Variants in RAP1GAP2 observed in about 807,000 individuals in gnomAD.
The protein encoded by RAP1GAP2 is rap1 GTPase-activating protein 2.
RAP1GAP2 carries 27 observed loss-of-function variants against 95.0 expected under a neutral mutation model. The ratio of observed to expected loss-of-function variants is 0.28; its 90% CI spans 0.21 to 0.39. The LOEUF (loss-of-function observed/expected upper bound fraction) is 0.39. RAP1GAP2 is among the 10% of genes least tolerant of loss of function. The pLI, the probability that RAP1GAP2 is intolerant of heterozygous loss-of-function variation, is 1.00. For synonymous variants in RAP1GAP2, 373 were observed against 380.9 expected, an observed-to-expected ratio of 0.98 and a Z score of 0.24; for missense variants, 771 against 970.0, an observed-to-expected ratio of 0.79 and a Z score of 2.72.
At chr17:2,821,313 A>T (rs1597372946) in intron 2 of RAP1GAP2, among the ~76,000 whole-genome samples, 1 of 152,252 alleles carries the variant, frequency 6.6e-6, no homozygotes, top group East Asian at 1.9e-4. Context: ...AATAGAGATT[A>T]AAAAATAAAA....
chr17:2,796,291 C>T (rs573614399), upstream of RAP1GAP2: 23 of 548,140 alleles, frequency 4.2e-5, no homozygotes, highest in Non-Finnish European at 1.6e-5. This position sits in a 1 kb window ranked among gnomAD's most constrained non-coding sequence, Gnocchi z 4.7. Flanking sequence ...TGTGGGGAAG[C>T]TGCCCTCCAC....
intron 24 of RAP1GAP2, among the ~76,000 whole-genome samples, chr17:3,032,904 C>T (rs1241564345): frequency 1.3e-5 from 2 of 152,176 alleles, no homozygotes; most frequent in African/African-American, 4.8e-5. Flanking sequence ...AGGCCTCTTC[C>T]CCTGCCTGCT....
chr17:2,794,104 A>G (rs1485120088), upstream of RAP1GAP2, among the ~76,000 whole-genome samples: 2 of 151,670 alleles, frequency 1.3e-5, no homozygotes, highest in African/African-American at 4.8e-5. Flanking sequence ...AAAAAAAAAA[A>G]AAAGACATGA....
chr17:2,797,779 G>A lies in RAP1GAP2; in HGVS notation c.44+1208G>A, dbSNP rs543550870. On this transcript the variant is annotated intron_variant, in intron 1 of 24. Transcript: ENST00000254695. The surrounding 1 kb of genome is among the most constrained non-coding windows in gnomAD (Gnocchi z 5.6). Reference sequence around the variant, plus strand: ...GCCTGGATCTGGGAGCTGCCACCCCGAGGGTAGGTGCCAGTGTCCGGGAGG... The same window carrying A: ...GCCTGGATCTGGGAGCTGCCACCCCAAGGGTAGGTGCCAGTGTCCGGGAGG... 1.9e-5 allele frequency: 19 copies of A among 985,368 alleles called. No individual in the cohort carries two copies. The East Asian group carries it at 6.8e-4, about 35-fold the overall frequency. The allele number at this position is 985,368 out of a possible 1,614,324, so 61.0% of individuals were successfully genotyped here. A position where few individuals can be genotyped will look rare whatever the true frequency, so the allele number is the denominator to read the frequency against.
rs552732524 is a variant in RAP1GAP2 at position 2,948,634 on chromosome 17, A to G, written c.166-9125A>G. 6.2e-4 allele frequency among the ~76,000 whole-genome samples: 76 copies of G among 121,982 alleles called. 2 individuals are homozygous for G. Among genetic ancestry groups the G allele is most frequent in the African/African-American group, 1.9e-3 (61 of 31,942 alleles). 80.0% of individuals were successfully genotyped at this position (121,982 alleles called of 152,430 possible). A position where few individuals can be genotyped will look rare whatever the true frequency, so the allele number is the denominator to read the frequency against. ...CCTGTCTGCAGGAGAAGCCGTGTCC[A>G]TGTGTAGAGCTGCTGTGGACCAGGG... On this transcript the variant is annotated intron_variant, in intron 3 of 24. Coordinates refer to ENST00000254695, the MANE Select transcript of RAP1GAP2 (RefSeq NM_015085.5).
rs372151562 is a variant in RAP1GAP2 at position 2,983,617 on chromosome 17, A to G, written c.730-1366A>G. On this transcript the variant is annotated intron_variant, in intron 10 of 24. Coordinates refer to ENST00000254695, the MANE Select transcript of RAP1GAP2 (RefSeq NM_015085.5). Reference sequence around the variant, plus strand: ...GTCGAAAGTACTCTGCTAAGTACAGATAATTTAAAATAGCTTTAACAGTTA... The same window carrying G: ...GTCGAAAGTACTCTGCTAAGTACAGGTAATTTAAAATAGCTTTAACAGTTA... Among the ~76,000 whole-genome samples the G allele has an allele frequency of 1.8e-4, 27 of 152,374 alleles. No homozygotes were observed. In the East Asian group the frequency reaches 2.1e-3, roughly 12 times the overall value.
chr17:2,927,354 C>G (rs111949561), intron 3 of RAP1GAP2, among the ~76,000 whole-genome samples: 136 of 152,148 alleles, frequency 8.9e-4, no homozygotes, highest in African/African-American at 2.9e-3. Context: ...GGGGTTTCAC[C>G]GTGTTAGCCA....
chr17:2,956,262 G>T (rs1056715074), intron 3 of RAP1GAP2, among the ~76,000 whole-genome samples: 1 of 152,198 alleles, frequency 6.6e-6, no homozygotes, highest in Non-Finnish European at 1.5e-5. Flanking sequence ...GCCCACCCCT[G>T]TACATTCACA....
chr17:2,944,488 C>T (rs755982282), intron 3 of RAP1GAP2, among the ~76,000 whole-genome samples: 5 of 151,598 alleles, frequency 3.3e-5, no homozygotes, highest in Non-Finnish European at 7.4e-5. Context: ...TCTACTCTGT[C>T]GGTTCATATG....
At chr17:2,865,966 G>A (rs921150976) in intron 2 of RAP1GAP2, among the ~76,000 whole-genome samples, 20 of 152,338 alleles carry the variant, frequency 1.3e-4, no homozygotes, top group Admixed American at 1.3e-3. Flanking sequence ...CAATATGCGG[G>A]TGCCCTCCCT....
At chr17:2,939,336 C>T (rs574467836) in intron 3 of RAP1GAP2, among the ~76,000 whole-genome samples, 5 of 152,234 alleles carry the variant, frequency 3.3e-5, no homozygotes, top group East Asian at 1.9e-4. Context: ...GTGATCCACC[C>T]GCCTCGGCCT....
intron 1 of RAP1GAP2, among the ~76,000 whole-genome samples, chr17:2,788,097 G>A (rs1026499017): frequency 3.0e-4 from 46 of 152,158 alleles, no homozygotes; most frequent in African/African-American, 9.9e-4. Context: ...GTTAACCTGT[G>A]CAATAAATTT....
chr17:2,826,800 G>A (rs956707109), intron 2 of RAP1GAP2, among the ~76,000 whole-genome samples: 2 of 152,116 alleles, frequency 1.3e-5, no homozygotes, highest in Admixed American at 1.3e-4. Flanking sequence ...GAGGTCAAGA[G>A]ATCGAGACCA....
chr17:2,984,581 T>G (rs75567163), intron 10 of RAP1GAP2, among the ~76,000 whole-genome samples: 1,815 of 152,334 alleles, frequency 0.012, 28 homozygotes, highest in African/African-American at 0.042. Context: ...TTGCTCGGAC[T>G]CATGCTGCTG....
intron 2 of RAP1GAP2, among the ~76,000 whole-genome samples, chr17:2,877,006 A>C (rs1295603142): frequency 6.7e-6 from 1 of 148,894 alleles, no homozygotes; most frequent in Admixed American, 6.8e-5. Flanking sequence ...CTCCTGCCTC[A>C]GCCTCCCGAG....
At chr17:2,981,376 T>C (rs1167273836) in intron 10 of RAP1GAP2, 128 bp downstream of exon 10, 3 of 793,906 alleles carry the variant, frequency 3.8e-6, no homozygotes, top group Non-Finnish European at 6.0e-6. Context: ...AGCTTCCATG[T>C]CTCCCTCTCT....
chr17:2,822,084 T>G (rs1356031121), intron 2 of RAP1GAP2, among the ~76,000 whole-genome samples: 2 of 152,146 alleles, frequency 1.3e-5, no homozygotes, highest in Admixed American at 6.6e-5. Flanking sequence ...CCTGCCTCCT[T>G]GGGCAGACAG....
At chr17:2,821,373 C>CTT (rs10566772) in intron 2 of RAP1GAP2, among the ~76,000 whole-genome samples, 102 of 118,532 alleles carry the variant, frequency 8.6e-4, no homozygotes, top group East Asian at 1.7e-3. Flanking sequence ...TTCTTTACAC[C>CTT]TTTTTTTTTT....
In RAP1GAP2 at chr17:3,027,540, C is replaced by G. The variant is rs377402904; in HGVS notation, c.2107+470C>G. ...AGAGGAGAGGAGAGAGCGGGTATTC[C>G]GGAACTGCACGTGTTCATGGCAGCT... is the stretch of plus-strand genomic sequence containing the variant. On this transcript the variant is annotated intron_variant, in intron 22 of 24. Transcript: ENST00000254695. The surrounding 1 kb of genome is among the most constrained non-coding windows in gnomAD (Gnocchi z 5.2). Among the ~76,000 whole-genome samples, 1 of 152,014 alleles carries G rather than the reference C, an allele frequency of 6.6e-6. No individual in the cohort carries two copies. Among genetic ancestry groups the G allele is most frequent in the Non-Finnish European group, 1.5e-5 (1 of 67,998 alleles).
Sources: allele counts gnomAD v4.1 joint callset (sites outside exome capture counted in the v4.1 genomes callset), GRCh38; gene constraint gnomAD v4.1.1; non-coding constraint Gnocchi (gnomAD v3.1); transcripts MANE v1.5; gene names NCBI Gene and HGNC (gene_info 2026-07-23, HGNC 2026-07-21).